The following DOCK3 variants were observed in gnomAD, a reference collection of about 807,000 sequenced individuals.
DOCK3 encodes the protein dedicator of cytokinesis protein 3.
DOCK3 carries 60 observed loss-of-function variants against 265.6 expected under a neutral mutation model. That is an observed-to-expected ratio of 0.23 (90% confidence interval 0.18 to 0.28). The LOEUF is 0.28. Among genes scored for constraint, DOCK3 ranks in the 10% least tolerant of loss-of-function variants. The pLI is 1.00. For missense variants in DOCK3, 1,981 were observed against 2,594.3 expected (o/e 0.76, Z 5.14); for synonymous variants, 881 against 938.0 (o/e 0.94, Z 1.11).
At chr3:50,753,414 C>G (rs934749441) in intron 1 of DOCK3, among the ~76,000 whole-genome samples, 2 of 152,186 alleles carry the variant, frequency 1.3e-5, no homozygotes, top group African/African-American at 4.8e-5. Flanking sequence ...GCAATCACAG[C>G]TCACTACAGC....
chr3:50,987,020 G>T (rs2077927846), intron 5 of DOCK3, among the ~76,000 whole-genome samples: 1 of 152,256 alleles, frequency 6.6e-6, no homozygotes, highest in South Asian at 2.1e-4. Flanking sequence ...GTCTTTCCTG[G>T]TATTTATGTT....
chr3:50,908,176 A>G (rs1380340606), intron 4 of DOCK3, among the ~76,000 whole-genome samples: 1 of 103,082 alleles, frequency 9.7e-6, no homozygotes, highest in Admixed American at 9.1e-5. Flanking sequence ...AGATTCATTG[A>G]TTTTTTTTTT....
intron 9 of DOCK3, among the ~76,000 whole-genome samples, chr3:51,111,983 A>G (rs1348793621): frequency 2.0e-5 from 3 of 152,224 alleles, no homozygotes; most frequent in Admixed American, 6.5e-5. Context: ...GAGAAATGCA[A>G]ATCAAAACCA....
At chr3:50,699,083 A>G (rs2035856662) in intron 1 of DOCK3, among the ~76,000 whole-genome samples, 2 of 151,972 alleles carry the variant, frequency 1.3e-5, no homozygotes. Flanking sequence ...TTTCGAGTTA[A>G]TTTTTCTATG....
intron 12 of DOCK3, among the ~76,000 whole-genome samples, chr3:51,162,975 A>G (rs1034926106): frequency 2.6e-5 from 4 of 152,234 alleles, no homozygotes; most frequent in African/African-American, 9.6e-5. Flanking sequence ...AGACTATCAA[A>G]TGCATGTTTG....
chr3:51,225,866 A>G, intron 15 of DOCK3, 93 bp downstream of exon 15: 1 of 1,444,232 alleles, frequency 6.9e-7, no homozygotes, highest in Non-Finnish European at 9.2e-7. Flanking sequence ...TTCAAGCAGG[A>G]TTAAAATCAC....
chr3:51,159,163 G>A, intron 10 of DOCK3, 81 bp from the exon 11 acceptor site: 2 of 1,399,954 alleles, frequency 1.4e-6, no homozygotes, highest in Non-Finnish European at 2.0e-6. Flanking sequence ...TACAGTAAAA[G>A]CAAATGACTA....
intron 5 of DOCK3, among the ~76,000 whole-genome samples, chr3:51,041,039 C>G (rs1161288121): frequency 1.3e-5 from 2 of 151,242 alleles, no homozygotes; most frequent in Non-Finnish European, 2.9e-5. Context: ...GACTTCCTCC[C>G]ATGAATCAGA....
intron 5 of DOCK3, among the ~76,000 whole-genome samples, chr3:50,996,836 C>A (rs189441796): frequency 6.6e-6 from 1 of 152,118 alleles, no homozygotes; most frequent in Admixed American, 6.5e-5. Context: ...TGGTTCTGAT[C>A]GCATTTAGAA....
chr3:51,156,018 TTA>T (rs777096666), intron 10 of DOCK3, among the ~76,000 whole-genome samples: 9 of 152,196 alleles, frequency 5.9e-5, no homozygotes, highest in Non-Finnish European at 1.0e-4. Context: ...ATATATTTAT[TTA>T]TACTCTTCTA....
chr3:51,248,855 G>A (rs1307940041), intron 22 of DOCK3, among the ~76,000 whole-genome samples: 1 of 147,392 alleles, frequency 6.8e-6, no homozygotes, highest in Non-Finnish European at 1.5e-5. Flanking sequence ...GCCCCGTCTG[G>A]GATGTGAGGA....
intron 31 of DOCK3, among the ~76,000 whole-genome samples, chr3:51,314,250 G>T (rs907628073): frequency 6.6e-6 from 1 of 152,208 alleles, no homozygotes; most frequent in Admixed American, 6.5e-5. Context: ...CAATGAGAGG[G>T]AAACCCACAT....
chr3:50,739,625 A>G (rs1476792985), intron 1 of DOCK3, among the ~76,000 whole-genome samples: 1 of 152,134 alleles, frequency 6.6e-6, no homozygotes, highest in Non-Finnish European at 1.5e-5. Flanking sequence ...TGTTTGTCAT[A>G]TAATAAATAT....
chr3:51,301,108 A>G (rs534959102), intron 27 of DOCK3, among the ~76,000 whole-genome samples: 30 of 152,286 alleles, frequency 2.0e-4, no homozygotes, highest in African/African-American at 7.0e-4. Flanking sequence ...CAGGGATTCA[A>G]CTTCTTCCTG....
intron 5 of DOCK3, among the ~76,000 whole-genome samples, chr3:51,061,504 T>C (rs1018581444): frequency 2.6e-5 from 4 of 151,892 alleles, no homozygotes; most frequent in Non-Finnish European, 5.9e-5. Flanking sequence ...TAGATGGGAA[T>C]TGAACAATGA....
intron 27 of DOCK3, among the ~76,000 whole-genome samples, chr3:51,289,690 G>A (rs4538365): frequency 0.8 from 121,043 of 151,862 alleles, 49,056 homozygotes; most frequent in Middle Eastern, 0.89. Flanking sequence ...TCACCTTAAA[G>A]GACAGTCATA....
chr3:51,057,400 A>G (rs1341822741), intron 5 of DOCK3, among the ~76,000 whole-genome samples: 1 of 152,238 alleles, frequency 6.6e-6, no homozygotes, highest in Non-Finnish European at 1.5e-5. Context: ...TGAGCTATAC[A>G]GATTTCTTCT....
At chr3:51,036,805 T>C (rs542603563) in intron 5 of DOCK3, among the ~76,000 whole-genome samples, 2 of 152,240 alleles carry the variant, frequency 1.3e-5, no homozygotes, top group East Asian at 3.9e-4. Context: ...GGTAATTGAA[T>C]CATGGGGTGG....
intron 5 of DOCK3, among the ~76,000 whole-genome samples, chr3:50,948,200 G>A (rs2108292313): frequency 6.6e-6 from 1 of 151,124 alleles, no homozygotes; most frequent in South Asian, 2.1e-4. Flanking sequence ...GGGACTACAG[G>A]CGACCACCAC....
Sources: allele counts gnomAD v4.1 joint callset (sites outside exome capture counted in the v4.1 genomes callset), GRCh38; gene constraint gnomAD v4.1.1; transcripts MANE v1.5; gene names NCBI Gene and HGNC (gene_info 2026-07-23, HGNC 2026-07-21).